SHROOM4: variants seen among roughly 807,000 people sequenced by gnomAD.
The protein encoded by SHROOM4 is protein Shroom4.
SHROOM4 carries 17 observed loss-of-function variants against 80.3 expected under a neutral mutation model. The observed-to-expected ratio is 0.21, with a 90% CI of 0.14 to 0.32. The LOEUF is 0.32. Among genes scored for constraint, SHROOM4 ranks in the 10% least tolerant of loss-of-function variants. SHROOM4 has a pLI of 1.00. For synonymous variants in SHROOM4, 400 were observed against 437.5 expected (o/e 0.91, Z 1.07); for missense variants, 993 against 1,140.3 (o/e 0.87, Z 1.86).
At chrX:50,666,791 T>C (rs782236994) in intron 2 of SHROOM4, among the ~76,000 whole-genome samples, 1 of 111,253 alleles carries the variant, frequency 9.0e-6, no homozygotes, top group Non-Finnish European at 1.9e-5. Flanking sequence ...TGTGTGTAAA[T>C]TTAAATCAAG....
chrX:50,689,548 A>G (rs1193461835), intron 2 of SHROOM4, among the ~76,000 whole-genome samples: 1 of 111,789 alleles, frequency 8.9e-6, no homozygotes, highest in Non-Finnish European at 1.9e-5. Flanking sequence ...TCTTTCTTTC[A>G]TGCATATTTC....
intron 2 of SHROOM4, among the ~76,000 whole-genome samples, chrX:50,651,649 G>C (rs1932067363): frequency 1.8e-5 from 2 of 111,167 alleles, no homozygotes; most frequent in African/African-American, 6.6e-5. Flanking sequence ...TTGTTACATT[G>C]GTATACACGT....
At chrX:50,803,084 G>A (rs1936159012) in intron 1 of SHROOM4, among the ~76,000 whole-genome samples, 1 of 112,097 alleles carries the variant, frequency 8.9e-6, no homozygotes, top group Non-Finnish European at 1.9e-5. Context: ...CAGCTACTCG[G>A]GAGGCTGAGG....
intron 1 of SHROOM4, among the ~76,000 whole-genome samples, chrX:50,757,543 C>T (rs1557268485): frequency 8.9e-6 from 1 of 111,989 alleles, no homozygotes; most frequent in Non-Finnish European, 1.9e-5. Flanking sequence ...TCATCTGAGG[C>T]CAGGTGCAGT....
At chrX:50,788,638 A>C (rs1163749141) in intron 1 of SHROOM4, among the ~76,000 whole-genome samples, 1 of 111,265 alleles carries the variant, frequency 9.0e-6, no homozygotes, top group Non-Finnish European at 1.9e-5. Flanking sequence ...ATAAGACAGA[A>C]AATAATAAGC....
rs782061414 is a variant in SHROOM4, at chrX:50,587,131, G to A, written c.*9564C>T. Among the ~76,000 whole-genome samples the A allele has an allele frequency of 1.4e-4, 16 of 111,563 alleles. No individual in the cohort carries two copies. The highest frequency in any genetic ancestry group is 7.5e-4 in the South Asian group (2 of 2,663). On this transcript the variant is annotated 3_prime_UTR_variant, in exon 9 of 9. Transcript: ENST00000376020. Reference sequence around the variant, plus strand: ...TTTTAGCTTCCACATATGAGATTACGCAGTATTTTTCTTTCTGTGTCTGGT... The same window carrying A: ...TTTTAGCTTCCACATATGAGATTACACAGTATTTTTCTTTCTGTGTCTGGT...
intron 1 of SHROOM4, among the ~76,000 whole-genome samples, chrX:50,794,390 C>T (rs1935916396): frequency 9.0e-6 from 1 of 110,697 alleles, no homozygotes; most frequent in Admixed American, 9.7e-5. Flanking sequence ...GCATATCTCA[C>T]TCGAACAGAG....
chrX:50,677,150 A>G (rs1195531748), intron 2 of SHROOM4, among the ~76,000 whole-genome samples: 1 of 111,666 alleles, frequency 9.0e-6, no homozygotes, highest in Non-Finnish European at 1.9e-5. Context: ...TGGCCAACAC[A>G]GTATGAATTA....
In SHROOM4 at chrX:50,795,038, C is replaced by A. The variant is rs1465909477; in HGVS notation, c.117+18864G>T. 4.1e-3 allele frequency among the ~76,000 whole-genome samples: 24 copies of A among 5,834 alleles called. 3 individuals carry two copies. The highest frequency in any genetic ancestry group is 0.067 in the East Asian group (1 of 15). The allele number at this position is 5,834 out of a possible 115,157, so 5.1% of individuals were successfully genotyped here. On this transcript the variant is annotated intron_variant, in intron 1 of 8. Transcript: ENST00000376020. Reference sequence around the variant, plus strand: ...ATATCTTTATATATATCATATATATCTCATATATATATGATATATATATGA... The same window carrying A: ...ATATCTTTATATATATCATATATATATCATATATATATGATATATATATGA...
intron 5 of SHROOM4, among the ~76,000 whole-genome samples, chrX:50,625,085 T>A: frequency 9.0e-6 from 1 of 111,561 alleles, no homozygotes; most frequent in East Asian, 2.8e-4. Flanking sequence ...AAACATCTCG[T>A]GGGGAAAACA....
Position 50,590,704 on chromosome X carries a change from ACAAT to A in SHROOM4, c.*5987_*5990del, listed in dbSNP as rs1328295650. 8.9e-6 allele frequency among the ~76,000 whole-genome samples: 1 copy of A among 112,263 alleles called. No individual in the cohort carries two copies. Among genetic ancestry groups the A allele is most frequent in the Non-Finnish European group, 1.9e-5 (1 of 53,261 alleles). On this transcript the variant is annotated 3_prime_UTR_variant, in exon 9 of 9. Coordinates refer to ENST00000376020, the MANE Select transcript of SHROOM4 (RefSeq NM_020717.5). The stretch of plus-strand genomic sequence containing the variant: ...CTGTGAGAAATAAATGTTATTTAAG[ACAAT>A]CAGTCTATGGTAGTATGTTATAGCA...
At chrX:50,605,606 C>T (rs1423740537) in intron 6 of SHROOM4, among the ~76,000 whole-genome samples, 1 of 112,553 alleles carries the variant, frequency 8.9e-6, no homozygotes, top group Non-Finnish European at 1.9e-5. Flanking sequence ...TCTGGTACAC[C>T]TTGCCCTACA....
chrX:50,755,664 G>C (rs1159279246), intron 1 of SHROOM4, among the ~76,000 whole-genome samples: 1 of 111,813 alleles, frequency 8.9e-6, no homozygotes, highest in Non-Finnish European at 1.9e-5. Context: ...GCAGTGGTTT[G>C]AAAAAATGAA....
At chrX:50,664,412 A>G (rs1932623169) in intron 2 of SHROOM4, among the ~76,000 whole-genome samples, 1 of 112,260 alleles carries the variant, frequency 8.9e-6, no homozygotes, top group African/African-American at 3.2e-5. Flanking sequence ...GTATATTTTT[A>G]TCTCAGGTTT....
Position 50,607,748 on chromosome X carries a change from C to T in SHROOM4, c.3394G>A (p.Glu1132Lys), listed in dbSNP as rs868972312. The T allele has an allele frequency of 2.6e-6, 3 of 1,167,992 alleles. No individual in the cohort carries two copies. The highest frequency in any genetic ancestry group is 3.4e-6 in the Non-Finnish European group (3 of 873,482). The change falls in exon 6 of 9, where the codon GAG becomes AAG. Residue 1132 changes from glutamate to lysine, a missense_variant. Coordinates refer to ENST00000376020, the MANE Select transcript of SHROOM4 (RefSeq NM_020717.5). The stretch of plus-strand genomic sequence containing the variant: ...TCTTCTTCCTCCTCCTCCTCCTCCT[C>T]CTGTTGCTTCTGCTGCTGCTGTTGC... ...KQQQQQQKQQ[E>K]EEEEEEEEEE...
At chrX:50,621,282 T>A (rs1360704236) in intron 5 of SHROOM4, among the ~76,000 whole-genome samples, 1 of 112,204 alleles carries the variant, frequency 8.9e-6, no homozygotes, top group Non-Finnish European at 1.9e-5. Flanking sequence ...AGCTCTTTTT[T>A]AATTTCACTG....
At chrX:50,726,489 G>A (rs1454499600) in intron 1 of SHROOM4, among the ~76,000 whole-genome samples, 2 of 112,232 alleles carry the variant, frequency 1.8e-5, no homozygotes, top group African/African-American at 6.5e-5. Context: ...CAAGCTGGAG[G>A]CCTAGGAGGG....
intron 2 of SHROOM4, among the ~76,000 whole-genome samples, chrX:50,664,243 C>A (rs1320558286): frequency 3.6e-5 from 4 of 112,052 alleles, no homozygotes; most frequent in African/African-American, 1.3e-4. Context: ...AGCCTGCATT[C>A]AAAACCCCCA....
chrX:50,696,495 A>G (rs1461870597), intron 1 of SHROOM4, among the ~76,000 whole-genome samples: 2 of 112,240 alleles, frequency 1.8e-5, no homozygotes, highest in African/African-American at 6.5e-5. Context: ...AGTTGTTAGT[A>G]TAGTATATAT....
Sources: gnomAD v4.1 joint callset for allele counts (sites outside exome capture counted in the v4.1 genomes callset) on GRCh38, gnomAD v4.1.1 for gene constraint, MANE v1.5 for transcripts, NCBI Gene and HGNC (gene_info 2026-07-23, HGNC 2026-07-21) for gene names.